HERC4: variants seen among roughly 807,000 people sequenced by gnomAD.
The protein encoded by HERC4 is HECT and RLD domain containing E3 ubiquitin protein ligase 4, also known as probable E3 ubiquitin-protein ligase HERC4.
HERC4 carries 28 observed loss-of-function variants against 124.3 expected under a neutral mutation model. The observed-to-expected ratio is 0.23, with a 90% CI of 0.17 to 0.31. The LOEUF (loss-of-function observed/expected upper bound fraction) is 0.31. Ranked by LOEUF, HERC4 falls within the 10% of genes least tolerant of loss-of-function variation. HERC4 has a pLI of 1.00. For synonymous variants in HERC4, 407 were observed against 421.5 expected (o/e 0.97, Z 0.42); for missense variants, 713 against 1,229.3 (o/e 0.58, Z 6.28).
At chr10:67,960,164 G>A (rs2034413805) in intron 16 of HERC4, among the ~76,000 whole-genome samples, 1 of 152,178 alleles carries the variant, frequency 6.6e-6, no homozygotes, top group Non-Finnish European at 1.5e-5. Flanking sequence ...TTGAACCCCA[G>A]TAAAAACTCT....
At chr10:68,050,648 T>C (rs934510722) in intron 3 of HERC4, among the ~76,000 whole-genome samples, 1 of 152,196 alleles carries the variant, frequency 6.6e-6, no homozygotes, top group Non-Finnish European at 1.5e-5. Flanking sequence ...ACAAAACTGA[T>C]AACTTCACTA....
chr10:67,927,218 G>A (rs985222968), intron 23 of HERC4, among the ~76,000 whole-genome samples: 8 of 151,850 alleles, frequency 5.3e-5, no homozygotes, highest in Admixed American at 2.0e-4. Flanking sequence ...AAAGAGGATG[G>A]CTAAAGTTTT....
chr10:67,967,048 G>T (rs2034918429), intron 15 of HERC4, among the ~76,000 whole-genome samples: 1 of 152,174 alleles, frequency 6.6e-6, no homozygotes, highest in South Asian at 2.1e-4. Flanking sequence ...TAGAGACGGA[G>T]TTTCATCGTG....
At chr10:67,940,878 T>A in intron 20 of HERC4, 61 bp downstream of exon 20, 1 of 1,374,810 alleles carries the variant, frequency 7.3e-7, no homozygotes, top group Non-Finnish European at 9.9e-7. Context: ...AAGCTTTCTG[T>A]ACCTTCCCCA....
chr10:67,976,328 T>C (rs567404315), intron 15 of HERC4, among the ~76,000 whole-genome samples: 1 of 152,330 alleles, frequency 6.6e-6, no homozygotes, highest in African/African-American at 2.4e-5. Context: ...TTTATGTTTA[T>C]ACATATACAA....
chr10:68,026,693 A>C (rs1418958571), intron 7 of HERC4, among the ~76,000 whole-genome samples: 1 of 152,110 alleles, frequency 6.6e-6, no homozygotes, highest in Non-Finnish European at 1.5e-5. Flanking sequence ...AATGCAAAAA[A>C]ATAGCCAGGC....
chr10:67,981,832 T>C (rs577980546), intron 15 of HERC4, among the ~76,000 whole-genome samples: 169 of 152,150 alleles, frequency 1.1e-3, no homozygotes, highest in South Asian at 4.4e-3. Context: ...TCCCAGCTTC[T>C]TGGGAGGCTG....
intron 3 of HERC4, among the ~76,000 whole-genome samples, chr10:68,062,446 C>T (rs892136292): frequency 2.0e-5 from 3 of 152,112 alleles, no homozygotes; most frequent in African/African-American, 7.2e-5. Context: ...TCTACCTGCT[C>T]CTTTCTTGCT....
At chr10:68,044,318 C>T (rs1430392524) in intron 4 of HERC4, 86 bp downstream of exon 4, 4 of 1,314,516 alleles carry the variant, frequency 3.0e-6, no homozygotes, top group Non-Finnish European at 3.1e-6. Flanking sequence ...TCAACTCTTA[C>T]AGGCCCAAAG....
At chr10:67,934,097 T>C (rs554787347) in intron 22 of HERC4, among the ~76,000 whole-genome samples, 1 of 152,354 alleles carries the variant, frequency 6.6e-6, no homozygotes, top group East Asian at 1.9e-4. Context: ...TTCAAGCTTC[T>C]AACAACACAG....
Position 67,988,832 on chromosome 10 carries a change from T to C in HERC4, c.1637A>G (p.Asn546Ser). The change falls in exon 15 of 25, where the codon AAC becomes AGC. Residue 546 changes from asparagine to serine, a missense_variant. Physicochemically the swap from Asn to Ser is conservative, Grantham distance 46 (BLOSUM62 1). Coordinates refer to ENST00000373700, the MANE Select transcript of HERC4 (RefSeq NM_015601.4). ...LEKAPLKVLENWWSVLEPPLF... is the reference protein window; with the variant it reads ...LEKAPLKVLESWWSVLEPPLF... The stretch of plus-strand genomic sequence containing the variant: ...TGGAGGTTCAAGTACTGACCACCAG[T>C]TTTCTGTTATTAAAAAGTGAACATG... The C allele has an allele frequency of 6.3e-7, 1 of 1,579,100 alleles. No individual in the cohort carries two copies. The highest frequency in any genetic ancestry group is 8.6e-7 in the Non-Finnish European group (1 of 1,168,186).
chr10:68,005,975 T>C (rs992457187), intron 9 of HERC4, among the ~76,000 whole-genome samples: 16 of 152,162 alleles, frequency 1.1e-4, no homozygotes, highest in African/African-American at 3.9e-4. Flanking sequence ...TGATCTGAGG[T>C]TACCAGGCTT....
At chr10:67,946,382 CACACACACACACACAA>C (rs2033348178) in intron 19 of HERC4, among the ~76,000 whole-genome samples, 3 of 141,708 alleles carry the variant, frequency 2.1e-5, no homozygotes, top group African/African-American at 7.6e-5. Context: ...CACACACACA[CACACACACACACACAA>C]GACCCAATGA....
intron 15 of HERC4, among the ~76,000 whole-genome samples, chr10:67,970,171 C>G (rs1185130716): frequency 5.6e-3 from 2 of 358 alleles, no homozygotes; most frequent in African/African-American, 0.024. Flanking sequence ...AGCTTAACTC[C>G]TGACTAAACT....
At chr10:67,955,212 A>G in intron 17 of HERC4, 82 bp from the exon 18 acceptor site, 2 of 1,165,074 alleles carry the variant, frequency 1.7e-6, no homozygotes, top group Non-Finnish European at 2.4e-6. Flanking sequence ...TCTACCTATT[A>G]GTTACAGGTA....
intron 23 of HERC4, among the ~76,000 whole-genome samples, chr10:67,926,384 C>T (rs1312486390): frequency 6.9e-6 from 1 of 145,694 alleles, no homozygotes; most frequent in Non-Finnish European, 1.5e-5. Context: ...TCAACAAGAG[C>T]GAAACTCCAT....
intron 24 of HERC4, among the ~76,000 whole-genome samples, chr10:67,923,402 T>C (rs540700187): frequency 2.0e-5 from 3 of 152,320 alleles, no homozygotes; most frequent in East Asian, 3.9e-4. Flanking sequence ...TATTTTGCCA[T>C]TGCCAAAACA....
chr10:68,046,683 T>C lies in HERC4; in HGVS notation c.227-2120A>G, dbSNP rs141832778. Among the ~76,000 whole-genome samples the C allele has an allele frequency of 2.9e-3, 436 of 152,344 alleles. 3 individuals are homozygous for C. Among genetic ancestry groups the C allele is most frequent in the Admixed American group, 4.2e-3 (65 of 15,296 alleles). On this transcript the variant is annotated intron_variant, in intron 3 of 24. Transcript: ENST00000373700. Reference sequence around the variant, plus strand: ...AGCTATTTATGTAAATCTTAAAAGATAGTCCAGGCGAGGTAGCTCACATCT... The same window carrying C: ...AGCTATTTATGTAAATCTTAAAAGACAGTCCAGGCGAGGTAGCTCACATCT...
intron 6 of HERC4, among the ~76,000 whole-genome samples, chr10:68,033,583 A>C (rs1459257554): frequency 6.6e-6 from 1 of 152,254 alleles, no homozygotes; most frequent in Non-Finnish European, 1.5e-5. Flanking sequence ...TTAATTTAAC[A>C]GCCCAAATCA....
Sources: gnomAD v4.1 joint callset for allele counts (sites outside exome capture counted in the v4.1 genomes callset) on GRCh38, gnomAD v4.1.1 for gene constraint, MANE v1.5 for transcripts, NCBI Gene and HGNC (gene_info 2026-07-23, HGNC 2026-07-21) for gene names.